DNAI4: variants seen among roughly 807,000 people sequenced by gnomAD.
The protein encoded by DNAI4 is dynein axonemal intermediate chain 4, also known as WD repeat domain 78.
DNAI4 carries 85 observed loss-of-function variants against 105.8 expected under a neutral mutation model. The ratio of observed to expected loss-of-function variants is 0.80; its 90% CI spans 0.67 to 0.96. The LOEUF is 0.96. Ranked by LOEUF, DNAI4 falls within the 40% of genes least tolerant of loss-of-function variation. DNAI4 has a pLI of 0.00. For missense variants in DNAI4, 1,014 were observed against 1,005.6 expected (o/e 1.01, Z -0.11); for synonymous variants, 352 against 331.5 (o/e 1.06, Z -0.67).
intron 4 of DNAI4, among the ~76,000 whole-genome samples, chr1:66,882,886 C>T (rs1227921286): frequency 6.6e-6 from 1 of 152,064 alleles, no homozygotes; most frequent in African/African-American, 2.4e-5. Context: ...TTACAAATAA[C>T]TGATATCTTT....
At chr1:66,881,502 C>T (rs1369976755) in intron 4 of DNAI4, among the ~76,000 whole-genome samples, 1 of 152,220 alleles carries the variant, frequency 6.6e-6, no homozygotes, top group Non-Finnish European at 1.5e-5. Context: ...TAAAATTTGA[C>T]TGCCCTGCTG....
At chr1:66,869,974 T>G (rs1646807135) in intron 6 of DNAI4, among the ~76,000 whole-genome samples, 1 of 152,242 alleles carries the variant, frequency 6.6e-6, no homozygotes, top group South Asian at 2.1e-4. Context: ...TATCCACTCA[T>G]GTTCTTCCAC....
rs778579042 is a variant in DNAI4, at chr1:66,840,502, A to G, written c.1461T>C (p.Asn487=). The G allele has an allele frequency of 1.8e-5, 29 of 1,614,064 alleles. No homozygotes were observed. Among genetic ancestry groups the G allele is most frequent in the Non-Finnish European group, 2.5e-5 (29 of 1,180,028 alleles). The change falls in exon 9 of 17, where the codon AAT becomes AAC. Residue 487 remains asparagine (N), a synonymous_variant. Coordinates refer to ENST00000371026, the MANE Select transcript of DNAI4 (RefSeq NM_024763.5). The part of the protein sequence containing the change: ...SFSCDLTKGL[N]VSSLAWNKTN... Reference sequence around the variant, plus strand: ...TTTTATTCCAGGCAAGGCTGCTCACATTGAGGCCTTTGGTTAAGTCACAGG... The same window carrying G: ...TTTTATTCCAGGCAAGGCTGCTCACGTTGAGGCCTTTGGTTAAGTCACAGG...
At chr1:66,893,055 G>GGAA (rs1557965175) in intron 3 of DNAI4, among the ~76,000 whole-genome samples, 174 bp downstream of exon 3, 18 of 80,774 alleles carry the variant, frequency 2.2e-4, no homozygotes, top group African/African-American at 9.6e-4. Context: ...AAGAAAGAAA[G>GGAA]AGAGAGAGAG....
intron 4 of DNAI4, among the ~76,000 whole-genome samples, chr1:66,879,810 C>G (rs1213150486): frequency 6.6e-6 from 1 of 151,924 alleles, no homozygotes; most frequent in Non-Finnish European, 1.5e-5. Context: ...TATTATATGC[C>G]ATCTGTATAT....
At chr1:66,880,695 T>C (rs1015275985) in intron 4 of DNAI4, among the ~76,000 whole-genome samples, 1 of 152,178 alleles carries the variant, frequency 6.6e-6, no homozygotes, top group Non-Finnish European at 1.5e-5. Context: ...ATTTACCACC[T>C]GACAATGCAA....
At position 66,836,206 on chromosome 1, in the gene DNAI4, AAGAGAGAGAGAG is replaced by A. The variant is rs1219534466; in HGVS notation, c.1582-441_1582-430del. On this transcript the variant is annotated intron_variant, in intron 10 of 16. Transcript: ENST00000371026. ...AAAGAAAGAAAGAAAGAAAGAAAGA[AAGAGAGAGAGAG>A]AGAGAGAGAGAGAGAGAAAGAAAGA... is the stretch of plus-strand genomic sequence containing the variant. Among the ~76,000 whole-genome samples the A allele has an allele frequency of 1.3e-3, 22 of 16,994 alleles. 1 individual carries two copies. Among genetic ancestry groups the A allele is most frequent in the African/African-American group, 3.6e-3 (21 of 5,812 alleles). The allele number at this position is 16,994 out of a possible 152,430, so 11.1% of individuals were successfully genotyped here. A position where few individuals can be genotyped will look rare whatever the true frequency, so the allele number is the denominator to read the frequency against.
At chr1:66,911,752 T>A (rs1649672761) in intron 1 of DNAI4, among the ~76,000 whole-genome samples, 1 of 152,244 alleles carries the variant, frequency 6.6e-6, no homozygotes. Context: ...TTACTCTTCA[T>A]ACTTGTGAAG....
intron 7 of DNAI4, among the ~76,000 whole-genome samples, chr1:66,849,898 T>G (rs1282764800): frequency 6.6e-6 from 1 of 151,084 alleles, no homozygotes; most frequent in Non-Finnish European, 1.5e-5. Flanking sequence ...CTGAAAAAAA[T>G]GAAGACTCTC....
At chr1:66,896,470 T>C (rs1043129475) in intron 2 of DNAI4, among the ~76,000 whole-genome samples, 34 of 152,170 alleles carry the variant, frequency 2.2e-4, no homozygotes, top group African/African-American at 8.0e-4. Flanking sequence ...CTGCTATGGT[T>C]TAAGTGTGTG....
Position 66,891,171 on chromosome 1 carries a change from C to A in DNAI4, c.626G>T (p.Arg209Ile). ...DLEEPSYKRE[R>I]LTSFTDLQVI... Reference sequence around the variant, plus strand: ...TTCATTACCTGTGAAACTAGTCAATCTTTCCCGTTTATAGGATGGTTCTTC... The same window carrying A: ...TTCATTACCTGTGAAACTAGTCAATATTTCCCGTTTATAGGATGGTTCTTC... Residue 209 changes from arginine to isoleucine, a missense_variant, in exon 4 of 17, where the codon AGA becomes ATA. Coordinates refer to ENST00000371026, the MANE Select transcript of DNAI4 (RefSeq NM_024763.5). 6.2e-7 allele frequency: 1 copy of A among 1,612,624 alleles called. No homozygotes were observed.
chr1:66,821,160 G>A (rs781775400), intron 16 of DNAI4, among the ~76,000 whole-genome samples: 56 of 131,984 alleles, frequency 4.2e-4, no homozygotes, highest in South Asian at 2.4e-4. Flanking sequence ...GTGCAGTGGC[G>A]CCATCTCAGC....
intron 3 of DNAI4, 122 bp downstream of exon 3, chr1:66,893,105 GAA>G (rs748703559): frequency 8.6e-6 from 4 of 466,644 alleles, no homozygotes; most frequent in African/African-American, 8.4e-5. Flanking sequence ...AAGAAAGAAA[GAA>G]AGAAAGAAAG....
intron 6 of DNAI4, among the ~76,000 whole-genome samples, chr1:66,870,405 G>A (rs1179467848): frequency 2.7e-5 from 4 of 146,372 alleles, no homozygotes; most frequent in Non-Finnish European, 3.0e-5. Flanking sequence ...TTGCGCCATC[G>A]CACTCCAGCC....
intron 13 of DNAI4, chr1:66,828,479 T>C (rs1345885601): frequency 6.6e-6 from 1 of 152,058 alleles, no homozygotes; most frequent in Non-Finnish European, 1.5e-5. Context: ...TGCCATTCTA[T>C]TAGATGTAAA....
At chr1:66,863,975 TA>T (rs577533441) in intron 6 of DNAI4, among the ~76,000 whole-genome samples, 2 of 152,224 alleles carry the variant, frequency 1.3e-5, no homozygotes, top group Non-Finnish European at 2.9e-5. Context: ...GAAAGTTTAG[TA>T]AGTTTAGCAT....
At chr1:66,848,868 CA>C (rs1646334712) in intron 7 of DNAI4, among the ~76,000 whole-genome samples, 2 of 152,264 alleles carry the variant, frequency 1.3e-5, no homozygotes, top group South Asian at 4.1e-4. Flanking sequence ...CAGCCAAGCA[CA>C]GAAAAAATTG....
chr1:66,916,357 C>A (rs1319227374), intron 1 of DNAI4, among the ~76,000 whole-genome samples: 1 of 152,034 alleles, frequency 6.6e-6, no homozygotes, highest in Non-Finnish European at 1.5e-5. Context: ...GTATCTACTC[C>A]TAAAGTACTT....
chr1:66,820,704 C>T (rs1645607192), intron 16 of DNAI4, among the ~76,000 whole-genome samples: 1 of 152,008 alleles, frequency 6.6e-6, no homozygotes, highest in Admixed American at 6.6e-5. Context: ...ATAAGATGAT[C>T]AGTAAAGACT....
Sources: allele counts gnomAD v4.1 joint callset (sites outside exome capture counted in the v4.1 genomes callset), GRCh38; gene constraint gnomAD v4.1.1; transcripts MANE v1.5; gene names NCBI Gene and HGNC (gene_info 2026-07-23, HGNC 2026-07-21).